Variants in GRM7 observed in about 807,000 individuals in gnomAD.
GRM7 encodes glutamate metabotropic receptor 7, also known as metabotropic glutamate receptor 7.
A neutral mutation model predicts 84.5 loss-of-function variants in GRM7; 35 were observed. The observed-to-expected ratio is 0.41, with a 90% CI of 0.32 to 0.55. The LOEUF is 0.55. GRM7 is among the 20% of genes least tolerant of loss of function. GRM7 has a pLI of 0.19. For synonymous variants in GRM7, 487 were observed against 455.1 expected (o/e 1.07, Z -0.89); for missense variants, 1,003 against 1,194.6 (o/e 0.84, Z 2.36).
At chr3:6,999,209 T>C (rs1308708303) in intron 1 of GRM7, among the ~76,000 whole-genome samples, 1 of 152,172 alleles carries the variant, frequency 6.6e-6, no homozygotes, top group Admixed American at 6.5e-5. Context: ...TGCCAGTTTC[T>C]TTGCGAAATC....
intron 7 of GRM7, among the ~76,000 whole-genome samples, chr3:7,511,803 A>C (rs1700220172): frequency 6.6e-6 from 1 of 152,168 alleles, no homozygotes; most frequent in Non-Finnish European, 1.5e-5. Context: ...TATCAGCAGC[A>C]TATGTCCAGT....
chr3:7,032,198 G>A (rs1696214799), intron 1 of GRM7, among the ~76,000 whole-genome samples: 1 of 152,278 alleles, frequency 6.6e-6, no homozygotes, highest in Middle Eastern at 3.4e-3. Flanking sequence ...ATGTATGTAG[G>A]CCTTCTGCTG....
chr3:7,044,746 G>A (rs886572216), intron 1 of GRM7, among the ~76,000 whole-genome samples: 1 of 151,868 alleles, frequency 6.6e-6, no homozygotes, highest in African/African-American at 2.4e-5. Context: ...TCTTTCTTAA[G>A]TTGCACTGAC....
At chr3:7,408,788 C>A (rs1695791595) in intron 4 of GRM7, among the ~76,000 whole-genome samples, 1 of 152,158 alleles carries the variant, frequency 6.6e-6, no homozygotes, top group Non-Finnish European at 1.5e-5. Context: ...TACAACCATG[C>A]AAAATTCCCC....
At chr3:6,910,775 C>T (rs1459221602) in intron 1 of GRM7, among the ~76,000 whole-genome samples, 2 of 152,238 alleles carry the variant, frequency 1.3e-5, no homozygotes, top group South Asian at 2.1e-4. Flanking sequence ...GCATCTCATT[C>T]TCTAGGACAC....
At chr3:7,015,609 T>A (rs1695534815) in intron 1 of GRM7, among the ~76,000 whole-genome samples, 1 of 152,222 alleles carries the variant, frequency 6.6e-6, no homozygotes, top group Non-Finnish European at 1.5e-5. Flanking sequence ...TGGCTTAAGG[T>A]CCATCAGGTG....
At position 7,298,825 on chromosome 3, in the gene GRM7, A is replaced by G; in HGVS notation, c.878A>G (p.Lys293Arg). 6.2e-7 allele frequency: 1 copy of G among 1,613,024 alleles called. No individual in the cohort carries two copies. The highest frequency in any genetic ancestry group is 8.5e-7 in the Non-Finnish European group (1 of 1,179,148). Residue 293 changes from lysine (K) to arginine (R), a missense_variant and splice_region_variant, in exon 3 of 10, where the codon AAG becomes AGG. By Grantham distance (26) the Lys-to-Arg change is conservative. This residue lies in a region of GRM7 where 910 missense variants were observed against 1,126.0 expected (regional missense o/e 0.81). Transcript: ENST00000357716. Reference sequence around the variant, plus strand: ...ATTTTTGCCAACGATGAGGATATAAAGTAAGAATAACTGGTGACAATTGTT... The same window carrying G: ...ATTTTTGCCAACGATGAGGATATAAGGTAAGAATAACTGGTGACAATTGTT... Reference protein sequence around the residue: ...VVIFANDEDIKQILAAAKRAD... With the variant: ...VVIFANDEDIRQILAAAKRAD...
chr3:6,923,704 C>T (rs998229572), intron 1 of GRM7, among the ~76,000 whole-genome samples: 4 of 152,166 alleles, frequency 2.6e-5, no homozygotes, highest in Non-Finnish European at 4.4e-5. Flanking sequence ...CAGACCCATT[C>T]TGTGAACTTT....
intron 9 of GRM7, chr3:7,680,970 C>T (rs1700343914): frequency 6.6e-6 from 1 of 152,324 alleles, no homozygotes; most frequent in African/African-American, 2.4e-5. Context: ...ATCTGCAAAA[C>T]TCTAGGAGCC....
chr3:7,170,804 A>C (rs4686117), intron 2 of GRM7, among the ~76,000 whole-genome samples: 1 of 151,994 alleles, frequency 6.6e-6, no homozygotes, highest in African/African-American at 2.4e-5. Context: ...TTACAAAGGA[A>C]ATACTTGATG....
chr3:7,549,514 A>G (rs1247698164), intron 7 of GRM7, among the ~76,000 whole-genome samples: 1 of 152,198 alleles, frequency 6.6e-6, no homozygotes. Context: ...GAGGGAGAAG[A>G]GATGAGTGCA....
chr3:7,147,351 A>G (rs9869394), intron 2 of GRM7, among the ~76,000 whole-genome samples: 9,164 of 152,266 alleles, frequency 0.06, 697 homozygotes, highest in African/African-American at 0.16. Context: ...AATTCTGACA[A>G]TAAGTATTCA....
At chr3:7,683,082 A>T (rs527282685) in intron 9 of GRM7, among the ~76,000 whole-genome samples, 1 of 152,346 alleles carries the variant, frequency 6.6e-6, no homozygotes, top group East Asian at 1.9e-4. Flanking sequence ...GCATGTCGAA[A>T]TTCCAATGCA....
intron 2 of GRM7, among the ~76,000 whole-genome samples, chr3:7,262,609 C>T (rs1463871103): frequency 1.3e-5 from 2 of 152,160 alleles, no homozygotes; most frequent in Non-Finnish European, 2.9e-5. Context: ...GTCATGTCAG[C>T]CATCTAAGCC....
chr3:7,310,163 A>G (rs1197343168), intron 4 of GRM7, among the ~76,000 whole-genome samples: 1 of 152,168 alleles, frequency 6.6e-6, no homozygotes, highest in African/African-American at 2.4e-5. Context: ...GACCAGCATA[A>G]TTTCATCTCT....
At chr3:7,315,433 T>A (rs931055254) in intron 4 of GRM7, among the ~76,000 whole-genome samples, 1 of 152,230 alleles carries the variant, frequency 6.6e-6, no homozygotes, top group Non-Finnish European at 1.5e-5. Flanking sequence ...TCAACTTTAA[T>A]CCTTTGCCCC....
chr3:6,869,133 AAC>A (rs372105017), intron 1 of GRM7, among the ~76,000 whole-genome samples: 152 of 152,240 alleles, frequency 1.0e-3, no homozygotes, highest in African/African-American at 3.5e-3. Flanking sequence ...CCCAGGAGAA[AAC>A]ACACTCTATC....
At chr3:7,111,977 T>C (rs995668913) in intron 1 of GRM7, among the ~76,000 whole-genome samples, 2 of 152,134 alleles carry the variant, frequency 1.3e-5, no homozygotes, top group African/African-American at 4.8e-5. Context: ...GAAAACTGTA[T>C]TCCTTAGCTG....
At chr3:7,714,531 C>T (rs543780087) in intron 9 of GRM7, among the ~76,000 whole-genome samples, 1 of 152,288 alleles carries the variant, frequency 6.6e-6, no homozygotes, top group African/African-American at 2.4e-5. Context: ...GAAATGCATT[C>T]ACTTAGGTTC....
Sources: allele counts gnomAD v4.1 joint callset (sites outside exome capture counted in the v4.1 genomes callset), GRCh38; gene constraint gnomAD v4.1.1; regional missense constraint gnomAD v4.1.1; transcripts MANE v1.5; gene names NCBI Gene and HGNC (gene_info 2026-07-23, HGNC 2026-07-21).